INTS6L: variants seen among roughly 807,000 people sequenced by gnomAD.
The protein encoded by INTS6L is integrator complex subunit 6-like.
A neutral mutation model predicts 64.7 loss-of-function variants in INTS6L; 18 were observed. That is an observed-to-expected ratio of 0.28 (90% CI 0.19 to 0.41). INTS6L has a LOEUF of 0.41. Ranked by LOEUF, INTS6L falls within the 10% of genes least tolerant of loss-of-function variation. INTS6L has a pLI of 1.00. For missense variants in INTS6L, 533 were observed against 661.0 expected, an observed-to-expected ratio of 0.81 and a Z score of 2.12; for synonymous variants, 227 against 235.9, an observed-to-expected ratio of 0.96 and a Z score of 0.34.
At chrX:135,547,810 C>T (rs1459165000) in intron 6 of INTS6L, among the ~76,000 whole-genome samples, 1 of 111,331 alleles carries the variant, frequency 9.0e-6, no homozygotes, top group African/African-American at 3.3e-5. Flanking sequence ...ACAGAAAGTT[C>T]GACATCCAAA....
chrX:135,523,875 T>C (rs1472629924), intron 2 of INTS6L, among the ~76,000 whole-genome samples: 1 of 112,186 alleles, frequency 8.9e-6, no homozygotes, highest in African/African-American at 3.2e-5. Context: ...TTTTTTTCCT[T>C]ATGTAGGTCA....
intron 15 of INTS6L, among the ~76,000 whole-genome samples, chrX:135,579,151 G>A (rs1285210994): frequency 2.7e-5 from 3 of 111,942 alleles, no homozygotes; most frequent in East Asian, 2.8e-4. Flanking sequence ...GGCAGGGAAC[G>A]TTGCTCTGGC....
At chrX:135,567,686 C>T (rs2086987186) in intron 9 of INTS6L, among the ~76,000 whole-genome samples, 1 of 111,506 alleles carries the variant, frequency 9.0e-6, no homozygotes, top group Non-Finnish European at 1.9e-5. Flanking sequence ...TCCCAACAGA[C>T]ACAACATAAA....
rs1556534810 is a variant in INTS6L, at chrX:135,581,787, G to A, written c.*151G>A. On this transcript the variant is annotated 3_prime_UTR_variant, in exon 18 of 18. Transcript: ENST00000639893. ...GGGCTTTTGAATTTTATGATTATCT[G>A]GCAGTGAAAGCTGGGCTTTTGCCTT... 1 of 451,134 alleles carries A rather than the reference G, an allele frequency of 2.2e-6. No homozygotes were observed. Among genetic ancestry groups the A allele is most frequent in the Non-Finnish European group, 3.8e-6 (1 of 263,686 alleles). The allele number at this position is 451,134 out of a possible 1,213,427, so 37.2% of individuals were successfully genotyped here.
chrX:135,546,733 G>A lies in INTS6L; in HGVS notation c.461G>A (p.Gly154Glu). Residue 154 changes from glycine (G) to glutamate (E), a missense_variant, in exon 5 of 18, where the codon GGA becomes GAA. Coordinates refer to ENST00000639893, the MANE Select transcript of INTS6L (RefSeq NM_001351601.3). Reference sequence around the variant, plus strand: ...CTTCCTTTGAATTCCCCTCTGCCTGGAAGTGAACTAACCAAAGAACCTTTT... The same window carrying A: ...CTTCCTTTGAATTCCCCTCTGCCTGAAAGTGAACTAACCAAAGAACCTTTT... ...LHLPLNSPLP[G>E]SELTKEPFRW... 1 of 1,210,067 alleles carries A rather than the reference G, an allele frequency of 8.3e-7. No individual in the cohort carries two copies. The highest frequency in any genetic ancestry group is 1.1e-6 in the Non-Finnish European group (1 of 894,609).
intron 2 of INTS6L, among the ~76,000 whole-genome samples, chrX:135,542,202 A>G (rs1422431848): frequency 8.9e-6 from 1 of 111,864 alleles, no homozygotes; most frequent in Non-Finnish European, 1.9e-5. Flanking sequence ...AGATACAGAA[A>G]CTATTAATAT....
At chrX:135,578,643 T>C (rs1036116236) in intron 15 of INTS6L, among the ~76,000 whole-genome samples, 1 of 111,436 alleles carries the variant, frequency 9.0e-6, no homozygotes, top group African/African-American at 3.3e-5. Flanking sequence ...AGAGTCATCA[T>C]GATTTTTCTC....
At chrX:135,572,363 A>T (rs1232505932) in intron 11 of INTS6L, 2 of 113,223 alleles carry the variant, frequency 1.8e-5, no homozygotes, top group African/African-American at 6.5e-5. Context: ...TGGATAGTCC[A>T]ATATTAGAGA....
chrX:135,535,888 A>C (rs781804418), intron 2 of INTS6L, among the ~76,000 whole-genome samples: 49 of 112,065 alleles, frequency 4.4e-4, no homozygotes, highest in Middle Eastern at 4.6e-3. Context: ...CAAATGGCAG[A>C]TATTACCAGG....
chrX:135,521,766 C>T (rs1238112598), intron 2 of INTS6L, among the ~76,000 whole-genome samples: 7 of 54,026 alleles, frequency 1.3e-4, no homozygotes, highest in African/African-American at 4.8e-4. Flanking sequence ...GCGCGGGGGG[C>T]CGGACGGAGC....
chrX:135,559,412 G>A (rs1354339365), intron 9 of INTS6L, among the ~76,000 whole-genome samples: 2 of 111,913 alleles, frequency 1.8e-5, no homozygotes, highest in African/African-American at 6.5e-5. Flanking sequence ...TTTTGGGATT[G>A]GCTTTTTTCA....
intron 2 of INTS6L, among the ~76,000 whole-genome samples, chrX:135,534,721 C>T (rs1300892723): frequency 1.9e-5 from 2 of 103,309 alleles, no homozygotes; most frequent in African/African-American, 7.2e-5. Flanking sequence ...CTTGCTCTGA[C>T]ACCCAGGCTA....
chrX:135,582,163 G>T lies in INTS6L; in HGVS notation c.*527G>T, dbSNP rs2087385773. ...CAAAGAAGTAAGAAGCTGCTATTTG[G>T]GTAACTTATTTCTCTGTGGGAAGGG... On this transcript the variant is annotated 3_prime_UTR_variant, in exon 18 of 18. Coordinates refer to ENST00000639893, the MANE Select transcript of INTS6L (RefSeq NM_001351601.3). The T allele has an allele frequency of 8.9e-6, 1 of 112,850 alleles. No individual in the cohort carries two copies. Among genetic ancestry groups the T allele is most frequent in the African/African-American group, 3.2e-5 (1 of 30,815 alleles). The allele number at this position is 112,850 out of a possible 1,213,427, so 9.3% of individuals were successfully genotyped here. A position where few individuals can be genotyped will look rare whatever the true frequency, so the allele number is the denominator to read the frequency against.
At chrX:135,555,129 T>A (rs782294763) in intron 8 of INTS6L, among the ~76,000 whole-genome samples, 99 of 110,457 alleles carry the variant, frequency 9.0e-4, no homozygotes, top group Non-Finnish European at 1.7e-3. Context: ...CCTCAGGTGA[T>A]CCGCCCGCCT....
intron 2 of INTS6L, among the ~76,000 whole-genome samples, chrX:135,528,408 G>A (rs1168460231): frequency 9.0e-6 from 1 of 111,514 alleles, no homozygotes; most frequent in East Asian, 2.8e-4. Context: ...TCACAACTGG[G>A]TGTGGACTTT....
intron 13 of INTS6L, 106 bp downstream of exon 13, chrX:135,574,168 A>T (rs1052557228): frequency 1.1e-6 from 1 of 898,826 alleles, no homozygotes; most frequent in African/African-American, 2.1e-5. Flanking sequence ...TAGTATTTTA[A>T]TGTTTAAAAT....
At chrX:135,532,531 G>A (rs781825728) in intron 2 of INTS6L, among the ~76,000 whole-genome samples, 13 of 112,063 alleles carry the variant, frequency 1.2e-4, no homozygotes, top group Non-Finnish European at 1.9e-4. Flanking sequence ...TGTCACTTCA[G>A]TAGCTCTGTC....
At chrX:135,531,252 CCT>C (rs782595886) in intron 2 of INTS6L, among the ~76,000 whole-genome samples, 29 of 112,274 alleles carry the variant, frequency 2.6e-4, no homozygotes, top group African/African-American at 8.4e-4. Context: ...TTTCTCCACT[CCT>C]CTCTCTGATA....
chrX:135,573,864 TAA>T (rs1473109769), intron 12 of INTS6L, 73 bp from the exon 13 acceptor site: 1 of 1,052,074 alleles, frequency 9.5e-7, no homozygotes, highest in East Asian at 3.1e-5. Context: ...AATAACATTT[TAA>T]GAGAGATAAG....
Sources: gnomAD v4.1 joint callset for allele counts (sites outside exome capture counted in the v4.1 genomes callset) on GRCh38, gnomAD v4.1.1 for gene constraint, MANE v1.5 for transcripts, NCBI Gene and HGNC (gene_info 2026-07-23, HGNC 2026-07-21) for gene names.